Variants in MET observed in about 807,000 individuals in gnomAD.
The protein encoded by MET is hepatocyte growth factor receptor.
A neutral mutation model predicts 133.1 loss-of-function variants in MET; 48 were observed. That is an observed-to-expected ratio of 0.36 (90% CI 0.29 to 0.46). The LOEUF (loss-of-function observed/expected upper bound fraction) is 0.46, where lower values mean the gene tolerates loss of function less well. Among genes scored for constraint, MET ranks in the 20% least tolerant of loss-of-function variants. MET has a pLI of 1.00. For synonymous variants in MET, 628 were observed against 616.5 expected, an observed-to-expected ratio of 1.02 and a Z score of -0.28; for missense variants, 1,442 against 1,695.9, an observed-to-expected ratio of 0.85 and a Z score of 2.63.
chr7:116,777,507 G>A, intron 16 of MET, 38 bp downstream of exon 16: 1 of 1,587,834 alleles, frequency 6.3e-7, no homozygotes, highest in Middle Eastern at 1.7e-4. Context: ...GTATACTTTT[G>A]TGGTTTGCAA....
At position 116,778,873 on chromosome 7, in the gene MET, C is replaced by T. The variant is rs2117046917; in HGVS notation, c.3438C>T (p.Cys1146=). ...HPNVLSLLGI[C]LRSEGSPLVV... is the part of the protein sequence containing the mutation. ...ATGTCCTCTCGCTCCTGGGAATCTG[C>T]CTGCGAAGTGAAGGGTCTCCGCTGG... The change falls in exon 17 of 21, where the codon TGC becomes TGT. Residue 1146 remains cysteine, a synonymous_variant. Transcript: ENST00000397752. 1 of 1,613,992 alleles carries T rather than the reference C, an allele frequency of 6.2e-7. No individual in the cohort carries two copies. The highest frequency in any genetic ancestry group is 8.5e-7 in the Non-Finnish European group (1 of 1,179,948).
chr7:116,770,538 CCAAA>C (rs1027004349), intron 12 of MET, among the ~76,000 whole-genome samples: 38 of 152,030 alleles, frequency 2.5e-4, no homozygotes, highest in Non-Finnish European at 4.3e-4. Context: ...TTTCGTCACC[CCAAA>C]CAGATACTCT....
chr7:116,695,755 T>C (rs1184287283), intron 1 of MET: 3 of 490,664 alleles, frequency 6.1e-6, no homozygotes. Context: ...CACAGGGTGG[T>C]GATGAAGAGT....
intron 2 of MET, among the ~76,000 whole-genome samples, chr7:116,705,347 C>T (rs1401296933): frequency 6.6e-6 from 1 of 151,992 alleles, no homozygotes; most frequent in African/African-American, 2.4e-5. Context: ...CTATAATCTC[C>T]CACACCACTT....
In MET at chr7:116,699,495, C is replaced by T. The variant is rs2116588125; in HGVS notation, c.411C>T (p.Asn137=). Residue 137 remains asparagine (N), a synonymous_variant, in exon 2 of 21, where the codon AAC becomes AAT. Transcript: ENST00000397752. ...AACTCATTAGCTGTGGCAGCGTCAA[C>T]AGAGGGACCTGCCAGCGACATGTCT... The part of the protein sequence containing the change: ...DDQLISCGSV[N]RGTCQRHVFP... 1.2e-6 allele frequency: 2 copies of T among 1,614,014 alleles called. No homozygotes were observed. The highest frequency in any genetic ancestry group is 8.5e-7 in the Non-Finnish European group (1 of 1,179,942).
At chr7:116,739,747 G>C (rs1277775525) in intron 3 of MET, among the ~76,000 whole-genome samples, 1 of 152,128 alleles carries the variant, frequency 6.6e-6, no homozygotes, top group Non-Finnish European at 1.5e-5. Flanking sequence ...GGCAAAGTCT[G>C]TCTTGGGGGT....
intron 3 of MET, among the ~76,000 whole-genome samples, chr7:116,732,975 C>A (rs1793074336): frequency 6.6e-6 from 1 of 152,034 alleles, no homozygotes; most frequent in Non-Finnish European, 1.5e-5. Context: ...TCTAATTATT[C>A]CCCTAGTAAT....
intron 1 of MET, 63 bp from the exon 2 acceptor site, chr7:116,699,008 T>C: frequency 6.2e-7 from 1 of 1,607,360 alleles, no homozygotes; most frequent in Non-Finnish European, 8.5e-7. Context: ...ATGGTATAGG[T>C]CTTTCAGTTT....
chr7:116,779,076 T>C lies in MET; in HGVS notation c.3522+119T>C, dbSNP rs1045746059. 17 of 1,029,636 alleles carry C rather than the reference T, an allele frequency of 1.7e-5. No homozygotes were observed. In the East Asian group the frequency reaches 2.8e-4, roughly 17 times the overall value. 63.8% of individuals were successfully genotyped at this position (1,029,636 alleles called of 1,614,324 possible). The stretch of plus-strand genomic sequence containing the variant: ...AGCCAAAGATGCACATTTAAAATGT[T>C]AGCATCATTCAAATGCACCTCAAAG... On this transcript the variant is annotated intron_variant, in intron 17 of 20. Transcript: ENST00000397752.
intron 1 of MET, among the ~76,000 whole-genome samples, chr7:116,684,509 C>G (rs1796477470): frequency 6.6e-6 from 1 of 152,168 alleles, no homozygotes; most frequent in African/African-American, 2.4e-5. Context: ...AGGAGAGTTC[C>G]TAATTCCTTA....
At chr7:116,687,633 A>T (rs1279078055) in intron 1 of MET, among the ~76,000 whole-genome samples, 2 of 152,204 alleles carry the variant, frequency 1.3e-5, no homozygotes, top group Non-Finnish European at 2.9e-5. Flanking sequence ...AAATAAGAAA[A>T]TGTCATATAC....
At chr7:116,784,873 G>C (rs1206017189) in intron 19 of MET, among the ~76,000 whole-genome samples, 1 of 152,128 alleles carries the variant, frequency 6.6e-6, no homozygotes, top group African/African-American at 2.4e-5. Flanking sequence ...GATAAGGCAA[G>C]TCCCTTCTGC....
intron 14 of MET, among the ~76,000 whole-genome samples, 182 bp downstream of exon 14, chr7:116,772,171 A>G (rs1353118536): frequency 1.3e-5 from 2 of 152,230 alleles, no homozygotes; most frequent in African/African-American, 2.4e-5. Context: ...GAACCCATGT[A>G]TATATTACAT....
intron 11 of MET, among the ~76,000 whole-genome samples, chr7:116,768,870 C>T (rs1053032890): frequency 3.3e-5 from 5 of 152,082 alleles, no homozygotes; most frequent in South Asian, 2.1e-4. Flanking sequence ...TCAAACAAAA[C>T]GTTGATATTT....
chr7:116,773,018 A>G lies in MET; in HGVS notation c.3028+1029A>G, dbSNP rs571659316. Among the ~76,000 whole-genome samples the G allele has an allele frequency of 2.6e-5, 4 of 152,292 alleles. No individual in the cohort carries two copies. The South Asian group carries it at 8.3e-4, about 32-fold the overall frequency. On this transcript the variant is annotated intron_variant, in intron 14 of 20. Transcript: ENST00000397752. ...TTAGTGCATCTATTTAGTATTTTAT[A>G]TGCACATTTCATAGTTCTAATCTGA...
chr7:116,725,347 G>A (rs1792702695), intron 2 of MET, among the ~76,000 whole-genome samples: 1 of 151,948 alleles, frequency 6.6e-6, no homozygotes, highest in Non-Finnish European at 1.5e-5. Flanking sequence ...CCATGAGAAT[G>A]TTTCAAAACT....
intron 14 of MET, among the ~76,000 whole-genome samples, chr7:116,773,380 A>G (rs753135733): frequency 6.6e-6 from 1 of 152,262 alleles, no homozygotes; most frequent in Middle Eastern, 3.4e-3. Flanking sequence ...GATGGTTTCA[A>G]TTGGTTTCTG....
At chr7:116,739,292 C>T (rs1254248620) in intron 3 of MET, among the ~76,000 whole-genome samples, 1 of 152,186 alleles carries the variant, frequency 6.6e-6, no homozygotes, top group Non-Finnish European at 1.5e-5. Context: ...AATCATCAAA[C>T]CTCATTTCCC....
At chr7:116,758,924 A>T (rs1004022625) in intron 9 of MET, among the ~76,000 whole-genome samples, 1 of 152,212 alleles carries the variant, frequency 6.6e-6, no homozygotes, top group Non-Finnish European at 1.5e-5. Flanking sequence ...TATCAATTCT[A>T]TACTAACCTT....
Sources: allele counts gnomAD v4.1 joint callset (sites outside exome capture counted in the v4.1 genomes callset), GRCh38; gene constraint gnomAD v4.1.1; transcripts MANE v1.5; gene names NCBI Gene and HGNC (gene_info 2026-07-23, HGNC 2026-07-21).